TDRD7: variants seen among roughly 807,000 people sequenced by gnomAD.
The protein encoded by TDRD7 is tudor domain-containing protein 7.
A neutral mutation model predicts 109.8 loss-of-function variants in TDRD7; 47 were observed. That is an observed-to-expected ratio of 0.43 (90% CI 0.34 to 0.55). The LOEUF (loss-of-function observed/expected upper bound fraction) is 0.55. TDRD7 is among the 20% of genes least tolerant of loss of function. The pLI is 0.03. For synonymous variants in TDRD7, 424 were observed against 457.3 expected, an observed-to-expected ratio of 0.93 and a Z score of 0.93; for missense variants, 1,164 against 1,319.2, an observed-to-expected ratio of 0.88 and a Z score of 1.82.
chr9:97,453,107 T>C (rs1331582026), intron 6 of TDRD7, among the ~76,000 whole-genome samples: 1 of 152,128 alleles, frequency 6.6e-6, no homozygotes, highest in Non-Finnish European at 1.5e-5. Flanking sequence ...CAGTGGGGGA[T>C]GGGGCTTAGG....
chr9:97,423,798 C>G (rs1402072030), intron 1 of TDRD7, among the ~76,000 whole-genome samples: 1 of 152,058 alleles, frequency 6.6e-6, no homozygotes. Flanking sequence ...GTTAAATTTG[C>G]ATGGAGATTG....
intron 11 of TDRD7, among the ~76,000 whole-genome samples, chr9:97,474,578 A>G (rs1828980600): frequency 6.6e-6 from 1 of 152,176 alleles, no homozygotes; most frequent in East Asian, 1.9e-4. Flanking sequence ...CATTCAAAGT[A>G]CAGTCTGGAA....
Position 97,495,893 on chromosome 9 carries a change from C to G in TDRD7, c.*10C>G. 2 of 1,608,950 alleles carry G rather than the reference C, an allele frequency of 1.2e-6. No individual in the cohort carries two copies. Among genetic ancestry groups the G allele is most frequent in the South Asian group, 1.1e-5 (1 of 90,942 alleles). On this transcript the variant is annotated 3_prime_UTR_variant, in exon 17 of 17. Transcript: ENST00000355295. ...TTCAAAAGTTAATTAATGACTGCCT[C>G]TGAAACCTTGACAACTAATTCAGAT... is the stretch of plus-strand genomic sequence containing the variant.
rs780579998 is a variant in TDRD7 at position 97,460,538 on chromosome 9, C to G, written c.1216C>G (p.Leu406Val). 6.2e-7 allele frequency: 1 copy of G among 1,614,216 alleles called. No homozygotes were observed. Among genetic ancestry groups the G allele is most frequent in the Non-Finnish European group, 8.5e-7 (1 of 1,180,044 alleles). The change falls in exon 7 of 17, where the codon CTT becomes GTT. Residue 406 changes from leucine to valine, a missense_variant. Around this residue, in one of 5 missense-constraint regions of TDRD7, gnomAD observed 407 missense variants for 394.0 expected, o/e 1.03. Coordinates refer to ENST00000355295, the MANE Select transcript of TDRD7 (RefSeq NM_014290.3). ...CCAGAAGGCCATTCTCTATGCTAAA[C>G]TTCCATTGCCCACTGACAAAATCCA... ...NPQKAILYAK[L>V]PLPTDKIQKD...
In TDRD7 at chr9:97,495,955, A is replaced by T; in HGVS notation, c.*72A>T. The stretch of plus-strand genomic sequence containing the variant: ...AACAAAATGTAGTAGGCTTAAAAAA[A>T]ATCTTAACTCTGCTACATGGCTCTG... On this transcript the variant is annotated 3_prime_UTR_variant, in exon 17 of 17. Transcript: ENST00000355295. The T allele has an allele frequency of 8.0e-7, 1 of 1,243,970 alleles. No homozygotes were observed. Among genetic ancestry groups the T allele is most frequent in the Non-Finnish European group, 1.2e-6 (1 of 847,768 alleles). The allele number at this position is 1,243,970 out of a possible 1,614,324, so 77.1% of individuals were successfully genotyped here.
chr9:97,425,740 G>A (rs1827981388), intron 1 of TDRD7, among the ~76,000 whole-genome samples: 1 of 152,150 alleles, frequency 6.6e-6, no homozygotes, highest in African/African-American at 2.4e-5. Flanking sequence ...AAGAGTTAAT[G>A]TTTAGTAATG....
chr9:97,472,197 T>A (rs1310222167), intron 9 of TDRD7, 96 bp from the exon 10 acceptor site: 2 of 1,144,480 alleles, frequency 1.7e-6, no homozygotes, highest in African/African-American at 3.1e-5. Context: ...AGTAGGCTTA[T>A]AATTTTAATA....
At chr9:97,425,349 T>C (rs1469113482) in intron 1 of TDRD7, among the ~76,000 whole-genome samples, 1 of 152,210 alleles carries the variant, frequency 6.6e-6, no homozygotes, top group Non-Finnish European at 1.5e-5. Flanking sequence ...ATACTGTATT[T>C]TTCTATACCT....
intron 15 of TDRD7, among the ~76,000 whole-genome samples, chr9:97,485,027 A>C (rs1416213559): frequency 6.6e-6 from 1 of 152,248 alleles, no homozygotes; most frequent in African/African-American, 2.4e-5. Context: ...TGTTTTGTAT[A>C]TAAAAACAGA....
chr9:97,487,247 C>T lies in TDRD7; in HGVS notation c.2991C>T (p.His997=), dbSNP rs777982037. 12 of 1,613,816 alleles carry T rather than the reference C, an allele frequency of 7.4e-6. No individual in the cohort carries two copies. In the Admixed American group the frequency reaches 1.0e-4, roughly 13 times the overall value. ...TGTATGAGCTGGATTATGGCAAACA[C>T]GAATTAGTCAACATAAGAAAAGTAC... is the stretch of plus-strand genomic sequence containing the variant. ...VSVYELDYGK[H]ELVNIRKVQP... Residue 997 remains histidine (H), a synonymous_variant, in exon 16 of 17, where the codon CAC becomes CAT. Coordinates refer to ENST00000355295, the MANE Select transcript of TDRD7 (RefSeq NM_014290.3).
At chr9:97,460,995 G>T (rs1346229174) in intron 7 of TDRD7, among the ~76,000 whole-genome samples, 1 of 152,056 alleles carries the variant, frequency 6.6e-6, no homozygotes, top group Non-Finnish European at 1.5e-5. Flanking sequence ...CAAAAAATTA[G>T]CAGGGCGTGG....
intron 14 of TDRD7, among the ~76,000 whole-genome samples, 199 bp downstream of exon 14, chr9:97,481,137 T>C (rs527455199): frequency 6.6e-6 from 1 of 152,392 alleles, no homozygotes; most frequent in East Asian, 1.9e-4. Flanking sequence ...GAAGTTATCC[T>C]GTCTCTCCAG....
intron 13 of TDRD7, chr9:97,480,424 T>G: frequency 4.6e-6 from 1 of 216,154 alleles, no homozygotes; most frequent in South Asian, 7.8e-5. Flanking sequence ...CAAATGACAA[T>G]TGATTTTTTT....
At position 97,483,136 on chromosome 9, in the gene TDRD7, A is replaced by G. The variant is rs1454783254; in HGVS notation, c.2700A>G (p.Glu900=). 3 of 1,614,074 alleles carry G rather than the reference A, an allele frequency of 1.9e-6. No homozygotes were observed. The highest frequency in any genetic ancestry group is 2.7e-5 in the African/African-American group (2 of 74,948). Residue 900 remains glutamate, a synonymous_variant, in exon 15 of 17, where the codon GAA becomes GAG. Transcript: ENST00000355295. ...VDHTSAFSTE[E]LPPPVHLSKP... ...ATACGAGCGCTTTCTCCACAGAGGAACTGCCACCTCCTGTCCACTTATCAA... is the reference window on the plus strand; with the variant it reads ...ATACGAGCGCTTTCTCCACAGAGGAGCTGCCACCTCCTGTCCACTTATCAA...
intron 6 of TDRD7, among the ~76,000 whole-genome samples, chr9:97,453,382 G>A (rs906487660): frequency 4.6e-4 from 70 of 151,980 alleles, no homozygotes; most frequent in African/African-American, 1.5e-3. Context: ...GGGGCGGGGG[G>A]CAAGAAAGCT....
intron 15 of TDRD7, among the ~76,000 whole-genome samples, chr9:97,484,437 A>G (rs1219133636): frequency 2.0e-5 from 3 of 151,954 alleles, no homozygotes; most frequent in East Asian, 1.9e-4. Flanking sequence ...TTATTTATCA[A>G]TGCTGAACAC....
intron 8 of TDRD7, among the ~76,000 whole-genome samples, chr9:97,469,189 T>C (rs1045413543): frequency 6.6e-6 from 1 of 152,216 alleles, no homozygotes; most frequent in African/African-American, 2.4e-5. Context: ...TAGGTGGTGA[T>C]AGCTATTAAA....
At chr9:97,426,384 T>A (rs529228008) in intron 1 of TDRD7, among the ~76,000 whole-genome samples, 3 of 152,260 alleles carry the variant, frequency 2.0e-5, no homozygotes, top group Admixed American at 2.0e-4. Context: ...CCTGAGTAGC[T>A]GGGACTATAG....
chr9:97,486,564 T>C (rs1375772875), intron 15 of TDRD7, among the ~76,000 whole-genome samples: 1 of 152,186 alleles, frequency 6.6e-6, no homozygotes, highest in African/African-American at 2.4e-5. Flanking sequence ...AATTGCAAAC[T>C]TTTTTTGTAC....
Sources: allele counts gnomAD v4.1 joint callset (sites outside exome capture counted in the v4.1 genomes callset), GRCh38; gene constraint gnomAD v4.1.1; regional missense constraint gnomAD v4.1.1; transcripts MANE v1.5; gene names NCBI Gene and HGNC (gene_info 2026-07-23, HGNC 2026-07-21).